Variants in TSPAN7 observed in about 807,000 individuals in gnomAD.
The protein encoded by TSPAN7 is tetraspanin 7, also known as tetraspanin-7.
TSPAN7 carries 1 observed loss-of-function variant against 17.6 expected under a neutral mutation model. The ratio of observed to expected loss-of-function variants is 0.06; its 90% CI spans 0.02 to 0.27. The LOEUF is 0.27. Among genes scored for constraint, TSPAN7 ranks in the 10% least tolerant of loss-of-function variants. The pLI is 1.00. For missense variants in TSPAN7, 112 were observed against 201.7 expected (o/e 0.56, Z 2.69); for synonymous variants, 78 against 79.0 (o/e 0.99, Z 0.07).
chrX:38,687,123 G>C (rs936244056), intron 6 of TSPAN7, among the ~76,000 whole-genome samples: 2 of 111,849 alleles, frequency 1.8e-5, no homozygotes, highest in Non-Finnish European at 3.8e-5. Context: ...TTGTCAGCTG[G>C]GTATGGCTGA....
chrX:38,664,891 C>T (rs891526965), intron 1 of TSPAN7, among the ~76,000 whole-genome samples: 3 of 111,883 alleles, frequency 2.7e-5, no homozygotes, highest in African/African-American at 9.8e-5. Flanking sequence ...TGCACACACA[C>T]ACAAAAATCT....
intron 1 of TSPAN7, among the ~76,000 whole-genome samples, chrX:38,600,964 A>G (rs1030146681): frequency 9.0e-6 from 1 of 111,648 alleles, no homozygotes; most frequent in Non-Finnish European, 1.9e-5. Flanking sequence ...ACCATCATCC[A>G]AGGAATCAGC....
chrX:38,638,212 T>G (rs1010948155), intron 1 of TSPAN7, among the ~76,000 whole-genome samples: 2 of 112,263 alleles, frequency 1.8e-5, no homozygotes, highest in African/African-American at 6.5e-5. Flanking sequence ...TTTAATCTTC[T>G]GCCCATTTTT....
chrX:38,670,298 C>T (rs902237282), intron 2 of TSPAN7, among the ~76,000 whole-genome samples: 1 of 111,550 alleles, frequency 9.0e-6, no homozygotes, highest in Non-Finnish European at 1.9e-5. Flanking sequence ...AAGACATGTG[C>T]CTTGTAGGTA....
intron 1 of TSPAN7, among the ~76,000 whole-genome samples, chrX:38,653,970 T>C (rs777183600): frequency 2.7e-5 from 3 of 112,184 alleles, no homozygotes; most frequent in Non-Finnish European, 5.6e-5. Context: ...TTTTTAATTA[T>C]GGCAGCCAAA....
At chrX:38,601,595 A>G (rs1485961539) in intron 1 of TSPAN7, among the ~76,000 whole-genome samples, 1 of 112,041 alleles carries the variant, frequency 8.9e-6, no homozygotes, top group African/African-American at 3.2e-5. Flanking sequence ...AAAATGTTTT[A>G]TGTTTTTGTG....
At chrX:38,678,214 C>G (rs1313671216) in intron 5 of TSPAN7, among the ~76,000 whole-genome samples, 1 of 112,310 alleles carries the variant, frequency 8.9e-6, no homozygotes, top group East Asian at 2.8e-4. Flanking sequence ...AATCCTACTT[C>G]ATAGGGATTC....
rs920222129 is a variant in TSPAN7 at position 38,585,821 on chromosome X, C to T, written c.81+24194C>T. On this transcript the variant is annotated intron_variant, in intron 1 of 7. Coordinates refer to ENST00000378482, the MANE Select transcript of TSPAN7 (RefSeq NM_004615.4). ...GGTGAAAAAAGCGTGGAACCTTTCT[C>T]CCCTCTCTGTTGCTCCCTCTTCTTG... 1.9e-4 allele frequency among the ~76,000 whole-genome samples: 21 copies of T among 111,943 alleles called. No homozygotes were observed. The Admixed American group carries it at 2.0e-3, about 11-fold the overall frequency.
At chrX:38,649,859 T>C (rs2069666458) in intron 1 of TSPAN7, among the ~76,000 whole-genome samples, 1 of 112,162 alleles carries the variant, frequency 8.9e-6, no homozygotes, top group African/African-American at 3.2e-5. Flanking sequence ...TTTCTGACCA[T>C]CTGTTCTCCT....
At chrX:38,588,415 G>A (rs1453987568) in intron 1 of TSPAN7, among the ~76,000 whole-genome samples, 1 of 111,249 alleles carries the variant, frequency 9.0e-6, no homozygotes, top group African/African-American at 3.3e-5. Context: ...TTTATTTGTG[G>A]GTTTATTTTA....
intron 1 of TSPAN7, among the ~76,000 whole-genome samples, chrX:38,619,451 T>G (rs1255954611): frequency 8.9e-6 from 1 of 112,037 alleles, no homozygotes; most frequent in Admixed American, 9.4e-5. Flanking sequence ...TGGCTCAGCC[T>G]TGAGTCCCTC....
intron 1 of TSPAN7, among the ~76,000 whole-genome samples, chrX:38,638,732 C>T: frequency 9.0e-6 from 1 of 111,685 alleles, no homozygotes; most frequent in Admixed American, 9.5e-5. Flanking sequence ...GGCCACACTG[C>T]ATGTTCTAAG....
chrX:38,579,697 A>G (rs2069217415), intron 1 of TSPAN7, among the ~76,000 whole-genome samples: 1 of 111,773 alleles, frequency 8.9e-6, no homozygotes, highest in African/African-American at 3.3e-5. Context: ...TTGGTGATGT[A>G]TTTCAAATGT....
At chrX:38,681,955 C>T (rs1355437012) in intron 6 of TSPAN7, among the ~76,000 whole-genome samples, 1 of 111,715 alleles carries the variant, frequency 9.0e-6, no homozygotes, top group Non-Finnish European at 1.9e-5. Flanking sequence ...TAAAATGTAG[C>T]CCACGTCCAC....
At chrX:38,615,606 G>C (rs964637500) in intron 1 of TSPAN7, among the ~76,000 whole-genome samples, 3 of 112,051 alleles carry the variant, frequency 2.7e-5, no homozygotes, top group African/African-American at 6.5e-5. Flanking sequence ...CTGCATTACT[G>C]TATTGGTTTT....
intron 1 of TSPAN7, among the ~76,000 whole-genome samples, chrX:38,615,948 T>C (rs1391272624): frequency 9.0e-6 from 1 of 111,599 alleles, no homozygotes; most frequent in African/African-American, 3.3e-5. Flanking sequence ...GACTTCAGAG[T>C]CAGATCTAGG....
intron 6 of TSPAN7, among the ~76,000 whole-genome samples, chrX:38,685,568 C>A (rs750503780): frequency 8.9e-6 from 1 of 111,790 alleles, no homozygotes; most frequent in Admixed American, 9.5e-5. Context: ...TGTAGTGAGC[C>A]GAGATTGCAC....
intron 1 of TSPAN7, among the ~76,000 whole-genome samples, chrX:38,620,637 G>C (rs180975593): frequency 1.8e-5 from 2 of 111,503 alleles, no homozygotes; most frequent in East Asian, 5.7e-4. Context: ...TGACTACAAG[G>C]TGTGGACAGT....
chrX:38,659,354 G>A, intron 1 of TSPAN7, among the ~76,000 whole-genome samples: 1 of 111,701 alleles, frequency 9.0e-6, no homozygotes. Context: ...CCTGCTGCTG[G>A]TGGTTTATCA....
Sources: gnomAD v4.1 joint callset for allele counts (sites outside exome capture counted in the v4.1 genomes callset) on GRCh38, gnomAD v4.1.1 for gene constraint, MANE v1.5 for transcripts, NCBI Gene and HGNC (gene_info 2026-07-23, HGNC 2026-07-21) for gene names.